Variants in DNAH14 observed in about 807,000 individuals in gnomAD.
DNAH14 encodes dynein axonemal heavy chain 14.
In DNAH14, 478 loss-of-function variants were observed where a neutral mutation model predicts 520.9. The ratio of observed to expected loss-of-function variants is 0.92; its 90% CI spans 0.85 to 0.99. The LOEUF (loss-of-function observed/expected upper bound fraction) is 0.99, where lower values mean the gene tolerates loss of function less well. DNAH14 is among the 50% of genes least tolerant of loss of function. The pLI, the probability that DNAH14 is intolerant of heterozygous loss-of-function variation, is 0.00. For synonymous variants in DNAH14, 1,581 were observed against 1,757.2 expected (o/e 0.90, Z 2.51); for missense variants, 4,831 against 5,234.5 (o/e 0.92, Z 2.38).
Position 225,377,419 on chromosome 1 carries a change from T to C in DNAH14, c.12699T>C (p.Thr4233=). Residue 4233 remains threonine (T), a synonymous_variant, in exon 79 of 86, where the codon ACT becomes ACC. Coordinates refer to ENST00000682510, the MANE Select transcript of DNAH14 (RefSeq NM_001367479.1). ...TTGCCATGCAACCAAAAACTACCAC[T>C]GCCAACCTCATGATCAGGTAAGAAC... The part of the protein sequence containing the change: ...NLIAMQPKTT[T]ANLMIRPEQS... 2 of 1,550,154 alleles carry C rather than the reference T, an allele frequency of 1.3e-6. No individual in the cohort carries two copies. Among genetic ancestry groups the C allele is most frequent in the Non-Finnish European group, 1.7e-6 (2 of 1,146,366 alleles).
At chr1:225,258,166 T>G (rs1214056325) in intron 45 of DNAH14, 48 bp downstream of exon 45, 1 of 1,408,642 alleles carries the variant, frequency 7.1e-7, no homozygotes, top group Non-Finnish European at 9.3e-7. Context: ...TAGAAAAAGA[T>G]TTACAGATAT....
chr1:225,189,246 T>C (rs1409539028), intron 37 of DNAH14, among the ~76,000 whole-genome samples: 1 of 151,814 alleles, frequency 6.6e-6, no homozygotes, highest in Non-Finnish European at 1.5e-5. Context: ...CCTTTAAATG[T>C]GCTGTTGGAT....
intron 37 of DNAH14, among the ~76,000 whole-genome samples, chr1:225,192,164 G>A (rs2085523909): frequency 6.6e-6 from 1 of 151,980 alleles, no homozygotes; most frequent in Non-Finnish European, 1.5e-5. Flanking sequence ...GGCCTTATAT[G>A]GTCTGTCATA....
chr1:225,080,413 A>G lies in DNAH14; in HGVS notation c.2801A>G (p.Gln934Arg), dbSNP rs1046063129. ...RTPLLLCAGT[Q>R]VSTAMEMIQT... ...CCTCTTCTGTTATGTGCTGGTACTC[A>G]AGTGTCAACAGCAATGGAAATGATC... Residue 934 changes from glutamine (Q) to arginine (R), a missense_variant, in exon 19 of 86, where the codon CAA becomes CGA. Gln to Arg is a conservative substitution (Grantham distance 43). Coordinates refer to ENST00000682510, the MANE Select transcript of DNAH14 (RefSeq NM_001367479.1). 3.9e-6 allele frequency: 6 copies of G among 1,548,550 alleles called. No individual in the cohort carries two copies. The African/African-American group carries it at 8.2e-5, about 21-fold the overall frequency.
At chr1:225,113,410 G>A (rs1249890735) in intron 23 of DNAH14, among the ~76,000 whole-genome samples, 2 of 152,160 alleles carry the variant, frequency 1.3e-5, no homozygotes, top group African/African-American at 4.8e-5. Context: ...CACCATCACT[G>A]GAGCCATGGT....
At chr1:224,960,439 A>G (rs2060774933) in intron 4 of DNAH14, 137 bp downstream of exon 4, 1 of 946,722 alleles carries the variant, frequency 1.1e-6, no homozygotes, top group Non-Finnish European at 1.5e-6. Context: ...TTGCTTAAGG[A>G]TTATTACAAT....
intron 81 of DNAH14, among the ~76,000 whole-genome samples, chr1:225,386,007 G>T (rs2095837082): frequency 6.6e-6 from 1 of 152,164 alleles, no homozygotes; most frequent in African/African-American, 2.4e-5. Context: ...AACCAAAACA[G>T]CGTGGTACTG....
chr1:224,967,769 G>A (rs2061275392), intron 6 of DNAH14, 186 bp downstream of exon 6: 12 of 1,483,940 alleles, frequency 8.1e-6, no homozygotes, highest in Non-Finnish European at 1.1e-5. Flanking sequence ...TTTGTGTAGA[G>A]ATTTAGGTTT....
chr1:224,930,297 G>C (rs1326380262), intron 1 of DNAH14, among the ~76,000 whole-genome samples: 1 of 152,118 alleles, frequency 6.6e-6, no homozygotes, highest in Non-Finnish European at 1.5e-5. Flanking sequence ...TTTCTAAGAA[G>C]TTGATGAATT....
At chr1:224,972,068 C>T (rs2061529722) in intron 7 of DNAH14, among the ~76,000 whole-genome samples, 1 of 152,156 alleles carries the variant, frequency 6.6e-6, no homozygotes, top group South Asian at 2.1e-4. Context: ...AGGGTCTGCT[C>T]TGCTGTAAAT....
intron 67 of DNAH14, 65 bp from the exon 68 acceptor site, chr1:225,337,996 C>CTT (rs34298762): frequency 3.9e-4 from 507 of 1,293,466 alleles, no homozygotes; most frequent in East Asian, 1.6e-3. Context: ...TTTATTGCTG[C>CTT]TTTTTTTTTT....
At chr1:225,100,622 C>A in intron 22 of DNAH14, 91 bp from the exon 23 acceptor site, 2 of 1,001,712 alleles carry the variant, frequency 2.0e-6, no homozygotes, top group Non-Finnish European at 2.8e-6. Flanking sequence ...TTTTATAACT[C>A]AAACAGTATT....
rs569630401 is a variant in DNAH14, at chr1:225,271,985, C to G, written c.7751C>G (p.Ser2584Cys). The G allele has an allele frequency of 3.3e-5, 51 of 1,550,584 alleles. No individual in the cohort carries two copies. In the Admixed American group the frequency reaches 9.2e-4, roughly 28 times the overall value. ...AGTAAGGATCAGATAATATCTTGTT[C>G]CCTAGCTATATACCATCAAGTACGT... is the stretch of plus-strand genomic sequence containing the variant. ...QKSKDQIISC[S>C]LAIYHQVRQN... Residue 2584 changes from serine to cysteine, a missense_variant, in exon 51 of 86, where the codon TCC (serine) becomes TGC (cysteine). Coordinates refer to ENST00000682510, the MANE Select transcript of DNAH14 (RefSeq NM_001367479.1).
intron 23 of DNAH14, among the ~76,000 whole-genome samples, chr1:225,103,006 G>A (rs1324717155): frequency 2.0e-5 from 3 of 152,012 alleles, no homozygotes; most frequent in Non-Finnish European, 4.4e-5. Flanking sequence ...TTTCTTCTAG[G>A]GTTTTTATGG....
At position 225,258,023 on chromosome 1, in the gene DNAH14, G is replaced by A. The variant is rs1003930582; in HGVS notation, c.6929G>A (p.Gly2310Glu). The change falls in exon 45 of 86, where the codon GGA (glycine) becomes GAA (glutamate). Residue 2310 changes from glycine (G) to glutamate (E), a missense_variant. Gly to Glu is a moderately conservative substitution (Grantham distance 98). Coordinates refer to ENST00000682510, the MANE Select transcript of DNAH14 (RefSeq NM_001367479.1). ...GGNFLKITEC[G>E]ECINYTATRD... is the part of the protein sequence containing the mutation. ...AACTTCTTGAAGATAACAGAATGTG[G>A]AGAATGCATTAATTATACCGCTACC... The A allele has an allele frequency of 1.3e-6, 2 of 1,550,038 alleles. No homozygotes were observed. Among genetic ancestry groups the A allele is most frequent in the South Asian group, 1.2e-5 (1 of 83,658 alleles).
intron 42 of DNAH14, among the ~76,000 whole-genome samples, chr1:225,240,149 A>G (rs1234073236): frequency 2.6e-5 from 4 of 152,164 alleles, no homozygotes; most frequent in African/African-American, 9.6e-5. Context: ...ATTAAGAATT[A>G]TAATTTCCTT....
At chr1:224,987,224 A>T (rs1161830273) in intron 8 of DNAH14, among the ~76,000 whole-genome samples, 2 of 152,158 alleles carry the variant, frequency 1.3e-5, no homozygotes, top group Non-Finnish European at 1.5e-5. Context: ...TTCCCCTTCT[A>T]GTCTGAGTCC....
At chr1:225,186,843 G>GT (rs2084824527) in intron 37 of DNAH14, among the ~76,000 whole-genome samples, 1 of 151,660 alleles carries the variant, frequency 6.6e-6, no homozygotes, top group Admixed American at 6.6e-5. Flanking sequence ...ATGTTTAATA[G>GT]TTTTAAATTT....
At chr1:225,114,670 C>T (rs1471023190) in intron 23 of DNAH14, among the ~76,000 whole-genome samples, 1 of 152,186 alleles carries the variant, frequency 6.6e-6, no homozygotes, top group African/African-American at 2.4e-5. Flanking sequence ...GTTCTGACTG[C>T]TGGAATGGAT....
Sources: gnomAD v4.1 joint callset for allele counts (sites outside exome capture counted in the v4.1 genomes callset) on GRCh38, gnomAD v4.1.1 for gene constraint, MANE v1.5 for transcripts, NCBI Gene and HGNC (gene_info 2026-07-23, HGNC 2026-07-21) for gene names.